The following EFCAB11 variants were observed in gnomAD, a reference collection of about 807,000 sequenced individuals.
The protein encoded by EFCAB11 is EF-hand calcium-binding domain-containing protein 11.
EFCAB11 carries 14 observed loss-of-function variants against 23.0 expected under a neutral mutation model. The observed-to-expected ratio is 0.61, with a 90% CI of 0.40 to 0.95. The LOEUF (loss-of-function observed/expected upper bound fraction) is 0.95, where lower values mean the gene tolerates loss of function less well. EFCAB11 is among the 40% of genes least tolerant of loss of function. The pLI is 0.00. For synonymous variants in EFCAB11, 65 were observed against 66.6 expected (o/e 0.98, Z 0.11); for missense variants, 198 against 195.8 (o/e 1.01, Z -0.07).
At chr14:89,872,297 A>G (rs1888299501) in intron 5 of EFCAB11, among the ~76,000 whole-genome samples, 1 of 152,222 alleles carries the variant, frequency 6.6e-6, no homozygotes, top group South Asian at 2.1e-4. Flanking sequence ...AGGCAGGGTT[A>G]AGAACATTCA....
intron 5 of EFCAB11, among the ~76,000 whole-genome samples, chr14:89,798,418 A>G (rs548853869): frequency 1.2e-4 from 18 of 152,286 alleles, no homozygotes; most frequent in Non-Finnish European, 2.5e-4. Context: ...GACCAAAAGC[A>G]TAGTGTCAGA....
intron 5 of EFCAB11, among the ~76,000 whole-genome samples, chr14:89,823,780 A>C (rs1349534230): frequency 6.6e-6 from 1 of 152,254 alleles, no homozygotes; most frequent in Non-Finnish European, 1.5e-5. Context: ...GATGAAAAAC[A>C]TAATATCTGA....
intron 5 of EFCAB11, among the ~76,000 whole-genome samples, chr14:89,804,633 A>T (rs1298943193): frequency 2.0e-5 from 3 of 152,128 alleles, no homozygotes; most frequent in Non-Finnish European, 4.4e-5. Flanking sequence ...GAGAGATGAA[A>T]CTTCACACAG....
chr14:89,797,247 G>A lies in EFCAB11; in HGVS notation c.488C>T (p.Ala163Val), dbSNP rs544410099. The change falls in exon 6 of 6, where the codon GCC (alanine) becomes GTC (valine). Residue 163 changes from alanine to valine, a missense_variant. By Grantham distance (64) the Ala-to-Val change is moderately conservative (BLOSUM62 0). Transcript: ENST00000316738. ...ACCAAAAGTAGTTCACAATAGTTAG[G>A]CTTCCTTCTGTCCATAGTTCAGGGC... Reference protein sequence around the residue: ...EYALNYGQKEA With the variant: ...EYALNYGQKEV The A allele has an allele frequency of 5.4e-5, 87 of 1,612,892 alleles. No individual in the cohort carries two copies. The South Asian group carries it at 9.2e-4, about 17-fold the overall frequency.
At chr14:89,871,971 C>T (rs972322433) in intron 5 of EFCAB11, among the ~76,000 whole-genome samples, 3 of 152,286 alleles carry the variant, frequency 2.0e-5, no homozygotes, top group South Asian at 2.1e-4. Flanking sequence ...GACGGGGCTC[C>T]GATTTGGGAA....
rs533468035 is a variant in EFCAB11, at chr14:89,929,031, A to ATATATATATATATATATATATATATATTT, written c.410+2509_410+2510insAAATATATATATATATATATATATATATA. ...GAAAGATGGACATATAAATACATAC[A>ATATATATATATATATATATATATATATTT]TATATATATATATACACACACACAT... On this transcript the variant is annotated intron_variant, in intron 5 of 5. Coordinates refer to ENST00000316738, the MANE Select transcript of EFCAB11 (RefSeq NM_145231.4). Among the ~76,000 whole-genome samples the ATATATATATATATATATATATATATATTT allele has an allele frequency of 1.3e-3, 167 of 129,630 alleles. 4 individuals carry two copies. The East Asian group carries it at 0.015, about 12-fold the overall frequency. The allele number at this position is 129,630 out of a possible 152,430, so 85.0% of individuals were successfully genotyped here. A position where few individuals can be genotyped will look rare whatever the true frequency, so the allele number is the denominator to read the frequency against.
intron 5 of EFCAB11, among the ~76,000 whole-genome samples, chr14:89,887,707 C>T (rs921407269): frequency 6.6e-6 from 1 of 152,080 alleles, no homozygotes; most frequent in Non-Finnish European, 1.5e-5. Flanking sequence ...AGACAACAGA[C>T]TGTAAATATA....
chr14:89,934,413 C>CTCT (rs1890506617), intron 3 of EFCAB11, among the ~76,000 whole-genome samples: 1 of 152,140 alleles, frequency 6.6e-6, no homozygotes, highest in African/African-American at 2.4e-5. Flanking sequence ...CCCGTAGATT[C>CTCT]TGGCTTGAAG....
At chr14:89,888,391 C>G (rs1043658237) in intron 5 of EFCAB11, among the ~76,000 whole-genome samples, 4 of 152,178 alleles carry the variant, frequency 2.6e-5, no homozygotes, top group African/African-American at 9.7e-5. Context: ...GTTCTGCAGG[C>G]TTTACAGGAA....
At chr14:89,885,354 A>T (rs934481038) in intron 5 of EFCAB11, among the ~76,000 whole-genome samples, 1 of 152,160 alleles carries the variant, frequency 6.6e-6, no homozygotes, top group Non-Finnish European at 1.5e-5. Flanking sequence ...CCCCAAATTG[A>T]TCTAGTCTAA....
rs538927040 is a variant in EFCAB11, at chr14:89,878,701, G to A, written c.410+52840C>T. 2.0e-3 allele frequency among the ~76,000 whole-genome samples: 308 copies of A among 152,124 alleles called. 1 individual carries two copies. Among genetic ancestry groups the A allele is most frequent in the African/African-American group, 7.0e-3 (292 of 41,522 alleles). On this transcript the variant is annotated intron_variant, in intron 5 of 5. Coordinates refer to ENST00000316738, the MANE Select transcript of EFCAB11 (RefSeq NM_145231.4). ...CTCTACTTTGAGCAGTTATTTTAAT[G>A]ATTATTATAATTCAGTATCTAACTT...
chr14:89,867,779 A>G (rs575685923), intron 5 of EFCAB11, among the ~76,000 whole-genome samples: 1 of 152,296 alleles, frequency 6.6e-6, no homozygotes, highest in South Asian at 2.1e-4. Flanking sequence ...ACGCCGAGGA[A>G]ATGAGAGTTT....
chr14:89,921,036 G>A (rs1890006056), intron 5 of EFCAB11, among the ~76,000 whole-genome samples: 1 of 144,242 alleles, frequency 6.9e-6, no homozygotes, highest in East Asian at 2.0e-4. Flanking sequence ...CTGAACTCCA[G>A]TCTAGGTGAC....
chr14:89,903,611 A>C (rs1426301019), intron 5 of EFCAB11, among the ~76,000 whole-genome samples: 1 of 152,198 alleles, frequency 6.6e-6, no homozygotes, highest in Non-Finnish European at 1.5e-5. Flanking sequence ...AATGAAGAAC[A>C]CAAGAATGCA....
At position 89,832,626 on chromosome 14, in the gene EFCAB11, T is replaced by C. The variant is rs761799349; in HGVS notation, c.411-35302A>G. Among the ~76,000 whole-genome samples the C allele has an allele frequency of 2.2e-4, 34 of 152,222 alleles. 1 individual carries two copies. The highest frequency in any genetic ancestry group is 7.3e-5 in the Non-Finnish European group (5 of 68,048). On this transcript the variant is annotated intron_variant, in intron 5 of 5. Transcript: ENST00000316738. The stretch of plus-strand genomic sequence containing the variant: ...AAATATCGTAAGCTGAAAATGCATT[T>C]AATCCACCGAACCTACTGAACATCA...
At chr14:89,814,493 T>C (rs1027484904) in intron 5 of EFCAB11, among the ~76,000 whole-genome samples, 5 of 152,022 alleles carry the variant, frequency 3.3e-5, no homozygotes, top group African/African-American at 9.7e-5. Context: ...TCACCTGAGG[T>C]TGGGAGTTCG....
chr14:89,827,691 T>C (rs1260477527), intron 5 of EFCAB11, among the ~76,000 whole-genome samples: 1 of 141,320 alleles, frequency 7.1e-6, no homozygotes, highest in Non-Finnish European at 1.5e-5. Flanking sequence ...TGGAGCGCAA[T>C]GGTGCAATCT....
chr14:89,872,324 C>G (rs530456569), intron 5 of EFCAB11, among the ~76,000 whole-genome samples: 1 of 152,156 alleles, frequency 6.6e-6, no homozygotes, highest in Admixed American at 6.5e-5. Context: ...GAAAGCCACA[C>G]GCGCAAAGGC....
At chr14:89,922,567 T>G (rs1890053785) in intron 5 of EFCAB11, among the ~76,000 whole-genome samples, 1 of 152,170 alleles carries the variant, frequency 6.6e-6, no homozygotes, top group Admixed American at 6.5e-5. Flanking sequence ...CTCCTGACCT[T>G]AACATGGTGC....
Sources: gnomAD v4.1 joint callset for allele counts (sites outside exome capture counted in the v4.1 genomes callset) on GRCh38, gnomAD v4.1.1 for gene constraint, MANE v1.5 for transcripts, NCBI Gene and HGNC (gene_info 2026-07-23, HGNC 2026-07-21) for gene names.